Variants in AADACL4 observed in about 807,000 individuals in gnomAD.
AADACL4 encodes arylacetamide deacetylase like 4.
Under a neutral mutation model 14.1 loss-of-function variants are expected in AADACL4, and 9 were observed. That is an observed-to-expected ratio of 0.64 (90% CI 0.39 to 1.12). AADACL4 has a LOEUF of 1.12. AADACL4 is among the 50% of genes most tolerant of loss of function. AADACL4 has a pLI of 0.01. For missense variants in AADACL4, 531 were observed against 516.1 expected (o/e 1.03, Z -0.28); for synonymous variants, 188 against 201.6 (o/e 0.93, Z 0.57).
chr1:12,659,092 A>G (rs568193481), intron 2 of AADACL4, among the ~76,000 whole-genome samples: 10 of 152,336 alleles, frequency 6.6e-5, no homozygotes, highest in African/African-American at 2.4e-4. Context: ...CATACGAGAA[A>G]AATTTGCCCA....
At chr1:12,659,011 G>A (rs1647206112) in intron 2 of AADACL4, among the ~76,000 whole-genome samples, 1 of 152,326 alleles carries the variant, frequency 6.6e-6, no homozygotes, top group South Asian at 2.1e-4. Flanking sequence ...ATGGATGGGG[G>A]AATAAGTGGA....
At chr1:12,664,693 A>T (rs994210717) in intron 3 of AADACL4, among the ~76,000 whole-genome samples, 12 of 152,228 alleles carry the variant, frequency 7.9e-5, no homozygotes, top group African/African-American at 2.9e-4. Flanking sequence ...AGAACAGAAA[A>T]GATGATTAGC....
At chr1:12,657,196 G>A (rs1163686094) in intron 2 of AADACL4, among the ~76,000 whole-genome samples, 2 of 150,866 alleles carry the variant, frequency 1.3e-5, no homozygotes, top group Non-Finnish European at 3.0e-5. Context: ...ACTACTCTGT[G>A]TAGGTTGAAA....
intron 2 of AADACL4, among the ~76,000 whole-genome samples, chr1:12,653,762 G>A (rs1647163631): frequency 6.6e-6 from 1 of 152,060 alleles, no homozygotes; most frequent in Non-Finnish European, 1.5e-5. Flanking sequence ...TGGTTCCCTG[G>A]GCTTAGGATG....
intron 2 of AADACL4, among the ~76,000 whole-genome samples, chr1:12,654,933 C>G (rs551473876): frequency 6.6e-6 from 1 of 152,110 alleles, no homozygotes. Flanking sequence ...TGAATAAATA[C>G]GAGTCTCGCT....
intron 1 of AADACL4, among the ~76,000 whole-genome samples, chr1:12,645,507 A>G (rs1200463268): frequency 6.6e-6 from 1 of 151,642 alleles, no homozygotes; most frequent in Non-Finnish European, 1.5e-5. Context: ...GCACACTTTC[A>G]CCCTCAGTGC....
intron 2 of AADACL4, among the ~76,000 whole-genome samples, chr1:12,655,040 T>C (rs1291194604): frequency 6.6e-6 from 1 of 152,180 alleles, no homozygotes; most frequent in Non-Finnish European, 1.5e-5. Flanking sequence ...GCAGAATACA[T>C]GTCAGTACAT....
intron 2 of AADACL4, among the ~76,000 whole-genome samples, chr1:12,654,420 T>A (rs1170846144): frequency 1.3e-5 from 2 of 152,242 alleles, no homozygotes; most frequent in Non-Finnish European, 2.9e-5. Context: ...TGACTGAGCA[T>A]GTATTGCTTT....
intron 1 of AADACL4, among the ~76,000 whole-genome samples, chr1:12,647,756 G>A (rs1229908668): frequency 6.6e-6 from 1 of 151,394 alleles, no homozygotes; most frequent in Non-Finnish European, 1.5e-5. Context: ...CCTGGGCTCA[G>A]GTGATCCTCC....
chr1:12,664,334 T>C (rs905117999), intron 3 of AADACL4, among the ~76,000 whole-genome samples: 1 of 152,140 alleles, frequency 6.6e-6, no homozygotes. Flanking sequence ...ATATACCTTT[T>C]TGATGTTTTC....
At chr1:12,645,638 G>A (rs578199977) in intron 1 of AADACL4, among the ~76,000 whole-genome samples, 1 of 152,182 alleles carries the variant, frequency 6.6e-6, no homozygotes, top group South Asian at 2.1e-4. Context: ...AACCTCCTGG[G>A]CTCAAGCGAT....
At position 12,666,700 on chromosome 1, in the gene AADACL4, G is replaced by T. The variant is rs1450969730; in HGVS notation, c.1189G>T (p.Val397Leu). The T allele has an allele frequency of 6.2e-7, 1 of 1,612,692 alleles. No individual in the cohort carries two copies. Among genetic ancestry groups the T allele is most frequent in the Non-Finnish European group, 8.5e-7 (1 of 1,179,942 alleles). The part of the protein sequence containing the change: ...ALSFPCSLKI[V>L]NAVVSYIKGI ...CTCTTTCCCATGTTCCCTGAAGATT[G>T]TGAATGCTGTAGTCAGTTATATAAA... is the stretch of plus-strand genomic sequence containing the variant. Residue 397 changes from valine (V) to leucine (L), a missense_variant, in exon 4 of 4, where the codon GTG becomes TTG. Transcript: ENST00000376221.
chr1:12,661,172 TG>T (rs2100768424), intron 2 of AADACL4, among the ~76,000 whole-genome samples: 1 of 152,366 alleles, frequency 6.6e-6, no homozygotes, highest in Admixed American at 6.5e-5. Context: ...AAAATCCTGA[TG>T]CCTGAGCTTC....
intron 2 of AADACL4, among the ~76,000 whole-genome samples, chr1:12,657,383 C>G (rs1373508557): frequency 6.6e-6 from 1 of 152,062 alleles, no homozygotes; most frequent in African/African-American, 2.4e-5. Flanking sequence ...GCCAGTGGTT[C>G]TAAAATGGGA....
chr1:12,644,810 C>G, intron 1 of AADACL4, 96 bp downstream of exon 1: 12 of 1,363,498 alleles, frequency 8.8e-6, no homozygotes, highest in Non-Finnish European at 1.2e-5. Flanking sequence ...CCTTCTGTCT[C>G]TCTCTCTTCG....
At chr1:12,660,274 G>T (rs1206327622) in intron 2 of AADACL4, among the ~76,000 whole-genome samples, 1 of 152,168 alleles carries the variant, frequency 6.6e-6, no homozygotes, top group Admixed American at 6.5e-5. Flanking sequence ...TTGATATTTT[G>T]TTCAACATAC....
intron 1 of AADACL4, among the ~76,000 whole-genome samples, chr1:12,647,227 C>T (rs1420277624): frequency 6.6e-6 from 1 of 151,438 alleles, no homozygotes; most frequent in African/African-American, 2.4e-5. Flanking sequence ...CCATGTAGCT[C>T]GGACCACAGG....
At position 12,648,817 on chromosome 1, in the gene AADACL4, T is replaced by C. The variant is rs77027782; in HGVS notation, c.169-2306T>C. On this transcript the variant is annotated intron_variant, in intron 1 of 3. Coordinates refer to ENST00000376221, the MANE Select transcript of AADACL4 (RefSeq NM_001013630.2). ...GCTATAGAAAATGTGGACTCAGAAT[T>C]GGAAAACCAAACCAAAACCAAAACA... Among the ~76,000 whole-genome samples, 128 of 152,218 alleles carry C rather than the reference T, an allele frequency of 8.4e-4. 1 individual carries two copies. In the South Asian group the frequency reaches 0.01, roughly 12 times the overall value.
chr1:12,666,667 A>G lies in AADACL4; in HGVS notation c.1156A>G (p.Lys386Glu). ...FHGSIIFFDK[K>E]ALSFPCSLKI... is the part of the protein sequence containing the mutation. ...CGGATCCATTATCTTTTTTGATAAG[A>G]AGGCTCTCTCTTTCCCATGTTCCCT... Residue 386 changes from lysine (K) to glutamate (E), a missense_variant, in exon 4 of 4, where the codon AAG becomes GAG. Lys to Glu is a moderately conservative substitution (Grantham distance 56, BLOSUM62 1). Transcript: ENST00000376221. 1 of 1,614,114 alleles carries G rather than the reference A, an allele frequency of 6.2e-7. No individual in the cohort carries two copies. Among genetic ancestry groups the G allele is most frequent in the Non-Finnish European group, 8.5e-7 (1 of 1,180,028 alleles).
Sources: allele counts gnomAD v4.1 joint callset (sites outside exome capture counted in the v4.1 genomes callset), GRCh38; gene constraint gnomAD v4.1.1; transcripts MANE v1.5; gene names NCBI Gene and HGNC (gene_info 2026-07-23, HGNC 2026-07-21).